Variants in PLXDC2 observed in about 807,000 individuals in gnomAD.
The protein encoded by PLXDC2 is plexin domain-containing protein 2.
In PLXDC2, 40 loss-of-function variants were observed where a neutral mutation model predicts 68.9. The observed-to-expected ratio is 0.58, with a 90% CI of 0.45 to 0.76. The LOEUF is 0.76. Among genes scored for constraint, PLXDC2 ranks in the 30% least tolerant of loss-of-function variants. The probability of loss-of-function intolerance (pLI) is 0.00; values close to 1 mark genes in which losing one functional copy is unlikely to be tolerated. For synonymous variants in PLXDC2, 243 were observed against 234.2 expected, an observed-to-expected ratio of 1.04 and a Z score of -0.34; for missense variants, 644 against 661.9, an observed-to-expected ratio of 0.97 and a Z score of 0.30.
intron 1 of PLXDC2, among the ~76,000 whole-genome samples, chr10:19,910,883 G>C (rs1468131413): frequency 6.6e-6 from 1 of 151,956 alleles, no homozygotes; most frequent in Non-Finnish European, 1.5e-5. Context: ...GGTGGCAGGT[G>C]CCTGTAATCC....
At chr10:19,910,574 C>G in intron 1 of PLXDC2, among the ~76,000 whole-genome samples, 1 of 142,838 alleles carries the variant, frequency 7.0e-6, no homozygotes, top group South Asian at 2.3e-4. Flanking sequence ...GGAGAGACAT[C>G]ACTTTTTAAG....
chr10:20,064,366 G>A (rs539358219), intron 3 of PLXDC2, among the ~76,000 whole-genome samples: 10 of 151,724 alleles, frequency 6.6e-5, no homozygotes, highest in East Asian at 5.8e-4. Context: ...GACTACAGGC[G>A]CCCACCACCA....
chr10:20,165,330 G>A (rs1184323247), intron 7 of PLXDC2, among the ~76,000 whole-genome samples: 1 of 151,860 alleles, frequency 6.6e-6, no homozygotes, highest in African/African-American at 2.4e-5. Flanking sequence ...ACATTGTGCA[G>A]GTTATTTACA....
chr10:20,201,560 A>C (rs1834918263), intron 9 of PLXDC2, among the ~76,000 whole-genome samples: 1 of 152,010 alleles, frequency 6.6e-6, no homozygotes, highest in South Asian at 2.1e-4. Context: ...ACTATTTAAC[A>C]ATAACTCTAT....
chr10:19,992,563 T>C (rs1308660841), intron 1 of PLXDC2, among the ~76,000 whole-genome samples: 2 of 152,184 alleles, frequency 1.3e-5, no homozygotes, highest in Non-Finnish European at 2.9e-5. Flanking sequence ...ATTATCACAG[T>C]ATAACAAGTG....
At chr10:19,923,020 A>T (rs911367012) in intron 1 of PLXDC2, among the ~76,000 whole-genome samples, 4 of 152,192 alleles carry the variant, frequency 2.6e-5, no homozygotes, top group African/African-American at 9.6e-5. Flanking sequence ...TATGTTGTTT[A>T]TTCTTAACTC....
At chr10:20,135,043 T>G (rs1189348158) in intron 4 of PLXDC2, among the ~76,000 whole-genome samples, 1 of 152,202 alleles carries the variant, frequency 6.6e-6, no homozygotes, top group Non-Finnish European at 1.5e-5. Context: ...ATTTCTGGGC[T>G]CCACTTAGGT....
chr10:20,256,841 GTTTAA>G (rs903954407), intron 13 of PLXDC2, among the ~76,000 whole-genome samples: 10 of 152,056 alleles, frequency 6.6e-5, no homozygotes, highest in Non-Finnish European at 7.4e-5. Context: ...ATCTCAAAAT[GTTTAA>G]TTTATTTGTA....
intron 9 of PLXDC2, among the ~76,000 whole-genome samples, chr10:20,200,246 C>T (rs1455051625): frequency 6.6e-6 from 1 of 151,808 alleles, no homozygotes; most frequent in Non-Finnish European, 1.5e-5. Context: ...ACAAAAAGAA[C>T]AGCCCAATCA....
intron 1 of PLXDC2, among the ~76,000 whole-genome samples, chr10:19,915,157 T>A (rs996652952): frequency 6.6e-6 from 1 of 152,194 alleles, no homozygotes; most frequent in Non-Finnish European, 1.5e-5. Context: ...TCTGCCATTT[T>A]AATATTTGTT....
intron 1 of PLXDC2, among the ~76,000 whole-genome samples, chr10:19,953,022 G>A (rs1333398834): frequency 2.0e-5 from 3 of 151,948 alleles, no homozygotes; most frequent in Admixed American, 6.6e-5. Flanking sequence ...GTGCCACCAC[G>A]CCCAGCTAAT....
chr10:19,961,311 A>G (rs1184043778), intron 1 of PLXDC2, among the ~76,000 whole-genome samples: 3 of 152,238 alleles, frequency 2.0e-5, no homozygotes. Context: ...CAAATGAGAT[A>G]GTGGTACTCT....
Position 19,989,173 on chromosome 10 carries a change from T to C in PLXDC2, c.113-12602T>C, listed in dbSNP as rs377030271. On this transcript the variant is annotated intron_variant, in intron 1 of 13. Coordinates refer to ENST00000377252, the MANE Select transcript of PLXDC2 (RefSeq NM_032812.9). ...TTAGCCTGAGTAAGAAGAAAATACC[T>C]GGGAGATGCTTAACAAAATGTAAAT... Among the ~76,000 whole-genome samples the C allele has an allele frequency of 3.3e-4, 51 of 152,276 alleles. No homozygotes were observed. In the East Asian group the frequency reaches 6.8e-3, roughly 20 times the overall value.
chr10:20,188,876 A>G (rs2131836786), intron 9 of PLXDC2, among the ~76,000 whole-genome samples: 1 of 151,926 alleles, frequency 6.6e-6, no homozygotes, highest in Non-Finnish European at 1.5e-5. Flanking sequence ...TCCAAGTGGT[A>G]ATCAGTGTTT....
chr10:19,980,728 A>T (rs1022820750), intron 1 of PLXDC2, among the ~76,000 whole-genome samples: 4 of 152,164 alleles, frequency 2.6e-5, no homozygotes, highest in African/African-American at 9.7e-5. Context: ...TCTTCTCCTA[A>T]AGGCACTAAC....
intron 1 of PLXDC2, among the ~76,000 whole-genome samples, chr10:19,952,663 A>C (rs1834008185): frequency 6.6e-6 from 1 of 152,200 alleles, no homozygotes; most frequent in Non-Finnish European, 1.5e-5. Flanking sequence ...TGAATTTCTA[A>C]AATGATTGCT....
chr10:19,950,705 G>A (rs983100142), intron 1 of PLXDC2, among the ~76,000 whole-genome samples: 3 of 152,028 alleles, frequency 2.0e-5, no homozygotes, highest in African/African-American at 7.2e-5. Context: ...GCAACCCTCA[G>A]CAAAAAGAAC....
chr10:20,011,233 G>T (rs1252352137), intron 2 of PLXDC2, among the ~76,000 whole-genome samples: 1 of 152,190 alleles, frequency 6.6e-6, no homozygotes, highest in Non-Finnish European at 1.5e-5. Flanking sequence ...GAACTCAGGA[G>T]CAGGGAGGTC....
At chr10:20,077,011 C>T (rs890216830) in intron 4 of PLXDC2, among the ~76,000 whole-genome samples, 8 of 152,014 alleles carry the variant, frequency 5.3e-5, no homozygotes, top group African/African-American at 1.2e-4. Flanking sequence ...ATAATCAGTA[C>T]GACATATATA....
Sources: gnomAD v4.1 joint callset for allele counts (sites outside exome capture counted in the v4.1 genomes callset) on GRCh38, gnomAD v4.1.1 for gene constraint, MANE v1.5 for transcripts, NCBI Gene and HGNC (gene_info 2026-07-23, HGNC 2026-07-21) for gene names.